Variants in IGF2R observed in about 807,000 individuals in gnomAD.
IGF2R encodes the protein cation-independent mannose-6-phosphate receptor.
A neutral mutation model predicts 270.6 loss-of-function variants in IGF2R; 91 were observed. The ratio of observed to expected loss-of-function variants is 0.34; its 90% CI spans 0.28 to 0.40. IGF2R has a LOEUF of 0.40. Ranked by LOEUF, IGF2R falls within the 10% of genes least tolerant of loss-of-function variation. IGF2R has a pLI of 1.00. For missense variants in IGF2R, 2,805 were observed against 3,188.3 expected (o/e 0.88, Z 2.90); for synonymous variants, 1,316 against 1,258.9 (o/e 1.05, Z -0.96).
intron 44 of IGF2R, among the ~76,000 whole-genome samples, chr6:160,092,006 G>A (rs920530114): frequency 6.6e-6 from 1 of 152,236 alleles, no homozygotes; most frequent in Non-Finnish European, 1.5e-5. Flanking sequence ...GAATGCCTTG[G>A]CCCACCTTCC....
chr6:160,025,240 A>G (rs1398896339), intron 5 of IGF2R, among the ~76,000 whole-genome samples: 1 of 152,204 alleles, frequency 6.6e-6, no homozygotes, highest in African/African-American at 2.4e-5. Context: ...GGGCCATGAA[A>G]AGTTTTACTA....
rs1022745309 is a variant in IGF2R, at chr6:160,104,911, G to A, written c.7303G>A (p.Val2435Met). 3.1e-6 allele frequency: 5 copies of A among 1,614,070 alleles called. No individual in the cohort carries two copies. Among genetic ancestry groups the A allele is most frequent in the Non-Finnish European group, 4.2e-6 (5 of 1,180,040 alleles). Reference protein sequence around the residue: ...RGAGAESSHPVRNAQSNALQE... With the variant: ...RGAGAESSHPMRNAQSNALQE... ...AGCTGGGGCAGAGAGCTCCCACCCA[G>A]TGAGAAACGCACAGAGCAATGCCCT... Residue 2435 changes from valine to methionine, a missense_variant, in exon 48 of 48, where the codon GTG becomes ATG. Val to Met is a conservative substitution (Grantham distance 21). This residue lies in a region of IGF2R where 1,851 missense variants were observed against 2,207.2 expected (regional missense o/e 0.84). Coordinates refer to ENST00000356956, the MANE Select transcript of IGF2R (RefSeq NM_000876.4).
intron 4 of IGF2R, among the ~76,000 whole-genome samples, chr6:160,017,247 G>C (rs1777324429): frequency 6.6e-6 from 1 of 152,174 alleles, no homozygotes; most frequent in South Asian, 2.1e-4. Flanking sequence ...TTCAACCATA[G>C]ACTAGACGAA....
chr6:160,060,190 AAC>A (rs1290075689), intron 22 of IGF2R, among the ~76,000 whole-genome samples: 13 of 151,764 alleles, frequency 8.6e-5, no homozygotes, highest in Middle Eastern at 3.4e-3. Context: ...AACCTGTCAT[AAC>A]ACAGGCCACC....
chr6:159,995,963 ATC>A (rs1784047654), intron 2 of IGF2R, among the ~76,000 whole-genome samples: 1 of 128,342 alleles, frequency 7.8e-6, no homozygotes, highest in Non-Finnish European at 1.6e-5. Flanking sequence ...TGGATAAACT[ATC>A]TCTTCTTTAT....
At chr6:160,062,248 A>G (rs1490257517) in intron 25 of IGF2R, among the ~76,000 whole-genome samples, 7 of 136,124 alleles carry the variant, frequency 5.1e-5, no homozygotes, top group Non-Finnish European at 1.1e-4. Flanking sequence ...ATCTTGGCTC[A>G]CTGCAACCTC....
At chr6:160,045,906 G>A (rs778671562) in intron 14 of IGF2R, 24 bp downstream of exon 14, 7 of 1,502,970 alleles carry the variant, frequency 4.7e-6, no homozygotes, top group Non-Finnish European at 5.3e-6. Flanking sequence ...CAGGACCTCT[G>A]CTTTAATGTG....
chr6:160,004,351 G>C lies in IGF2R; in HGVS notation c.290-4659G>C, dbSNP rs1283384259. The C allele has an allele frequency of 6.6e-6, 1 of 152,446 alleles. No individual in the cohort carries two copies. The highest frequency in any genetic ancestry group is 2.4e-5 in the African/African-American group (1 of 41,458). The allele number at this position is 152,446 out of a possible 1,614,324, so 9.4% of individuals were successfully genotyped here. On this transcript the variant is annotated intron_variant, in intron 2 of 47. Coordinates refer to ENST00000356956, the MANE Select transcript of IGF2R (RefSeq NM_000876.4). The surrounding 1 kb of genome is among the most constrained non-coding windows in gnomAD (Gnocchi z 5.2). ...GGCCAAATCACCATGGGCTTGCTTG[G>C]GCTTGGAGGTGCGACCTGGTGGGCC...
At chr6:160,041,603 A>G (rs76207271) in intron 11 of IGF2R, among the ~76,000 whole-genome samples, 1 of 152,094 alleles carries the variant, frequency 6.6e-6, no homozygotes, top group Non-Finnish European at 1.5e-5. Context: ...TTTTTTTTAA[A>G]GAAAAATAAA....
chr6:160,085,269 A>C, intron 41 of IGF2R, 138 bp downstream of exon 41: 51 of 903,226 alleles, frequency 5.6e-5, no homozygotes, highest in Non-Finnish European at 7.7e-5. Flanking sequence ...TCACTGTCTC[A>C]CAGGCATTTT....
rs529366953 is a variant in IGF2R at position 160,003,135 on chromosome 6, G to A, written c.290-5875G>A. On this transcript the variant is annotated intron_variant, in intron 2 of 47. Transcript: ENST00000356956. ...ATTTACTTTAAAGAGCCTGGCCCCT[G>A]ACTTCCAGTGATTTGATAGTGTCTG... Among the ~76,000 whole-genome samples, 12 of 152,254 alleles carry A rather than the reference G, an allele frequency of 7.9e-5. No homozygotes were observed. In the South Asian group the frequency reaches 2.5e-3, roughly 32 times the overall value.
chr6:159,980,220 A>AAGG (rs1783770028), intron 1 of IGF2R, among the ~76,000 whole-genome samples: 2 of 135,808 alleles, frequency 1.5e-5, no homozygotes, highest in East Asian at 4.2e-4. Context: ...AGAAAGAAAG[A>AAGG]AAGAAAGAAA....
rs756972445 is a variant in IGF2R at position 160,073,445 on chromosome 6, C to T, written c.4923C>T (p.His1641=). 6.8e-6 allele frequency: 11 copies of T among 1,614,256 alleles called. No individual in the cohort carries two copies. The South Asian group carries it at 7.7e-5, about 11-fold the overall frequency. The part of the protein sequence containing the change: ...KQTCTLFFSW[H]TPLACEQATE... ...CATGCACTCTCTTCTTCTCCTGGCA[C>T]ACGCCGCTGGCCTGCGAGCAAGCGG... Residue 1641 remains histidine (H), a synonymous_variant, in exon 34 of 48, where the codon CAC becomes CAT. Coordinates refer to ENST00000356956, the MANE Select transcript of IGF2R (RefSeq NM_000876.4).
chr6:159,980,058 G>A (rs1783756424), intron 1 of IGF2R, among the ~76,000 whole-genome samples: 1 of 152,048 alleles, frequency 6.6e-6, no homozygotes, highest in African/African-American at 2.4e-5. Flanking sequence ...GCGGGCGCCT[G>A]TAGTCCCAGC....
chr6:160,072,464 G>A (rs1778763011), intron 32 of IGF2R, among the ~76,000 whole-genome samples: 1 of 152,216 alleles, frequency 6.6e-6, no homozygotes, highest in Admixed American at 6.5e-5. Context: ...TTGGCAGCAA[G>A]AGGTGTGCTG....
At chr6:160,012,177 G>C (rs932072686) in intron 4 of IGF2R, among the ~76,000 whole-genome samples, 4 of 152,104 alleles carry the variant, frequency 2.6e-5, no homozygotes, top group African/African-American at 9.7e-5. Context: ...AAGAATTAAG[G>C]CTGATATTTA....
At chr6:159,996,815 G>A (rs748397294) in intron 2 of IGF2R, among the ~76,000 whole-genome samples, 2 of 152,144 alleles carry the variant, frequency 1.3e-5, no homozygotes, top group Non-Finnish European at 2.9e-5. Context: ...GCTCTTTGCC[G>A]CAGGAATGCT....
rs546281758 is a variant in IGF2R at position 160,040,361 on chromosome 6, C to T, written c.1316-199C>T. ...GGTGAAAGGCATGCTGGCCTGCCAT[C>T]GAGGACTTAGGGTTAAGCATCTGAA... On this transcript the variant is annotated intron_variant, in intron 10 of 47. Coordinates refer to ENST00000356956, the MANE Select transcript of IGF2R (RefSeq NM_000876.4). Among the ~76,000 whole-genome samples, 39 of 152,310 alleles carry T rather than the reference C, an allele frequency of 2.6e-4. 1 individual carries two copies. The East Asian group carries it at 3.3e-3, about 13-fold the overall frequency.
In IGF2R at chr6:160,063,481, A is replaced by G. The variant is rs77420768; in HGVS notation, c.3737A>G (p.Asn1246Ser). The part of the protein sequence containing the change: ...NLYDLKPLGL[N>S]DTIVSAGEYT... ...TATGACCTGAAGCCCCTGGGCCTCAACGACACCATCGTGAGCGCTGGCGAA... is the reference window on the plus strand; with the variant it reads ...TATGACCTGAAGCCCCTGGGCCTCAGCGACACCATCGTGAGCGCTGGCGAA... The change falls in exon 27 of 48, where the codon AAC (asparagine) becomes AGC (serine). Residue 1246 changes from asparagine (N) to serine (S), a missense_variant. This residue lies in a region of IGF2R where 1,851 missense variants were observed against 2,207.2 expected (regional missense o/e 0.84). Transcript: ENST00000356956. 8.1e-6 allele frequency: 13 copies of G among 1,613,672 alleles called. No homozygotes were observed. Among genetic ancestry groups the G allele is most frequent in the South Asian group, 1.1e-5 (1 of 91,068 alleles).
Sources: gnomAD v4.1 joint callset for allele counts (sites outside exome capture counted in the v4.1 genomes callset) on GRCh38, gnomAD v4.1.1 for gene constraint, gnomAD v4.1.1 regional missense constraint, Gnocchi (gnomAD v3.1) non-coding constraint, MANE v1.5 for transcripts, NCBI Gene and HGNC (gene_info 2026-07-23, HGNC 2026-07-21) for gene names.